Variants in SHANK2 observed in about 807,000 individuals in gnomAD.
SHANK2 encodes the protein SH3 and multiple ankyrin repeat domains protein 2.
A neutral mutation model predicts 133.7 loss-of-function variants in SHANK2; 43 were observed. The observed-to-expected ratio is 0.32, with a 90% CI of 0.25 to 0.41. SHANK2 has a LOEUF of 0.41. SHANK2 is among the 10% of genes least tolerant of loss of function. The probability of loss-of-function intolerance (pLI) is 1.00; values close to 1 mark genes in which losing one functional copy is unlikely to be tolerated. For missense variants in SHANK2, 1,994 were observed against 2,235.8 expected, an observed-to-expected ratio of 0.89 and a Z score of 2.18; for synonymous variants, 1,017 against 952.8, an observed-to-expected ratio of 1.07 and a Z score of -1.24.
At chr11:70,528,553 C>T (rs1343354216) in intron 17 of SHANK2, among the ~76,000 whole-genome samples, 2 of 152,090 alleles carry the variant, frequency 1.3e-5, no homozygotes, top group African/African-American at 2.4e-5. Context: ...GGTCAGCCAG[C>T]GTGGGGGCAG....
intron 10 of SHANK2, among the ~76,000 whole-genome samples, chr11:70,951,570 ATTCAT>A (rs1950843675): frequency 2.2e-5 from 1 of 44,672 alleles, no homozygotes; most frequent in Non-Finnish European, 5.9e-5. Context: ...GACGTCATAA[ATTCAT>A]TTCCTCTGGC....
rs571018968 is a variant in SHANK2, at chr11:70,657,612, C to T, written c.2061+2216G>A. 1.2e-3 allele frequency among the ~76,000 whole-genome samples: 180 copies of T among 152,228 alleles called. 2 individuals are homozygous for T. The highest frequency in any genetic ancestry group is 1.9e-3 in the Non-Finnish European group (129 of 68,020). On this transcript the variant is annotated intron_variant, in intron 17 of 25. Transcript: ENST00000601538. ...GTGTATGACTGGTGTGGAGCAGCCTCGTAGGGCTGTGGAGGGCCCAGTGCT... is the reference window on the plus strand; with the variant it reads ...GTGTATGACTGGTGTGGAGCAGCCTTGTAGGGCTGTGGAGGGCCCAGTGCT...
intron 3 of SHANK2, among the ~76,000 whole-genome samples, chr11:71,133,941 T>TG (rs1253721241): frequency 2.6e-5 from 4 of 151,356 alleles, no homozygotes; most frequent in Non-Finnish European, 5.9e-5. Context: ...TTTTTTTTTT[T>TG]TAGGGAAGGG....
chr11:70,887,594 G>C (rs1565384870), intron 11 of SHANK2, among the ~76,000 whole-genome samples: 1 of 152,074 alleles, frequency 6.6e-6, no homozygotes, highest in African/African-American at 2.4e-5. Flanking sequence ...AGCATCGTAA[G>C]GGCACTGATT....
intron 17 of SHANK2, among the ~76,000 whole-genome samples, chr11:70,514,406 G>T (rs2135895458): frequency 6.6e-6 from 1 of 152,340 alleles, no homozygotes; most frequent in Non-Finnish European, 1.5e-5. Context: ...AGCGGGACTG[G>T]ATCTATGGAT....
At chr11:70,539,560 C>T (rs1239988883) in intron 17 of SHANK2, among the ~76,000 whole-genome samples, 1 of 152,196 alleles carries the variant, frequency 6.6e-6, no homozygotes, top group African/African-American at 2.4e-5. Flanking sequence ...CCATACTCAC[C>T]ACGCTCACTC....
At chr11:71,116,394 T>C (rs17431746) in intron 4 of SHANK2, among the ~76,000 whole-genome samples, 29,562 of 152,264 alleles carry the variant, frequency 0.19, 3,151 homozygotes, top group South Asian at 0.31. Context: ...CAGGAAACAA[T>C]GCCTGTAAAC....
At chr11:70,808,916 G>A (rs1049830644) in intron 12 of SHANK2, among the ~76,000 whole-genome samples, 3 of 152,096 alleles carry the variant, frequency 2.0e-5, no homozygotes, top group East Asian at 1.9e-4. Flanking sequence ...AGTTCCCAGC[G>A]GCCCCAGCGA....
chr11:70,652,733 C>A (rs1287283424), intron 17 of SHANK2, among the ~76,000 whole-genome samples: 5 of 152,108 alleles, frequency 3.3e-5, no homozygotes, highest in African/African-American at 1.2e-4. Flanking sequence ...ATCTTTTGAA[C>A]CCAGGAGCTC....
chr11:70,622,539 G>C (rs1282647911), intron 17 of SHANK2, among the ~76,000 whole-genome samples: 2 of 152,164 alleles, frequency 1.3e-5, no homozygotes, highest in African/African-American at 4.8e-5. Context: ...CTTCTGGGAG[G>C]GGCCATCCGT....
In SHANK2 at chr11:71,192,678, C is replaced by A. The variant is rs188449748; in HGVS notation, c.-13+32019G>T. ...TTCCCAGGAAAATGACCTAATCAAT[C>A]CAATTTCATACTCTCTGTCTTCAGT... On this transcript the variant is annotated intron_variant, in intron 2 of 25. Transcript: ENST00000601538. Among the ~76,000 whole-genome samples the A allele has an allele frequency of 9.4e-4, 143 of 152,316 alleles. 2 individuals carry two copies. Among genetic ancestry groups the A allele is most frequent in the African/African-American group, 3.2e-3 (135 of 41,578 alleles).
At chr11:70,949,807 A>G (rs1555086142) in intron 10 of SHANK2, among the ~76,000 whole-genome samples, 1 of 152,206 alleles carries the variant, frequency 6.6e-6, no homozygotes, top group Admixed American at 6.5e-5. Context: ...GCTGATGCTG[A>G]TGACAGTATC....
chr11:70,471,517 C>G lies in SHANK2; in HGVS notation c.*1352G>C. 1 of 397,858 alleles carries G rather than the reference C, an allele frequency of 2.5e-6. No homozygotes were observed. The highest frequency in any genetic ancestry group is 4.4e-6 in the Non-Finnish European group (1 of 225,890). The allele number at this position is 397,858 out of a possible 1,614,324, so 24.6% of individuals were successfully genotyped here. A position where few individuals can be genotyped will look rare whatever the true frequency, so the allele number is the denominator to read the frequency against. ...AAGAAAGCCTTGCCAGAGAGGCTGA[C>G]CTGGCAGCCCAGGAGACCTCCCTGC... On this transcript the variant is annotated 3_prime_UTR_variant, in exon 26 of 26. Coordinates refer to ENST00000601538, the MANE Select transcript of SHANK2 (RefSeq NM_012309.5). This position sits in a 1 kb window ranked among gnomAD's most constrained non-coding sequence, Gnocchi z 4.1.
intron 17 of SHANK2, among the ~76,000 whole-genome samples, chr11:70,554,611 C>A (rs1246422896): frequency 2.0e-5 from 3 of 152,066 alleles, no homozygotes; most frequent in African/African-American, 7.2e-5. Context: ...TTATTTGTTG[C>A]AATTAATGAA....
Position 70,924,624 on chromosome 11 carries a change from T to G in SHANK2, c.1108-28057A>C, listed in dbSNP as rs150771493. 9.4e-3 allele frequency among the ~76,000 whole-genome samples: 1,425 copies of G among 152,120 alleles called. 27 individuals carry two copies. The highest frequency in any genetic ancestry group is 0.033 in the African/African-American group (1,360 of 41,480). On this transcript the variant is annotated intron_variant, in intron 10 of 25. Coordinates refer to ENST00000601538, the MANE Select transcript of SHANK2 (RefSeq NM_012309.5). ...GGCACCCGTGACCATGCCCGGCTAA[T>G]TTTTGTATTTTTAGTAGAGACAGCG...
chr11:70,502,938 G>T lies in SHANK2; in HGVS notation c.2062-7C>A, dbSNP rs781886718. 18 of 1,614,032 alleles carry T rather than the reference G, an allele frequency of 1.1e-5. No homozygotes were observed. Among genetic ancestry groups the T allele is most frequent in the Non-Finnish European group, 1.4e-5 (17 of 1,180,022 alleles). On this transcript the variant is annotated splice_polypyrimidine_tract_variant and splice_region_variant and intron_variant, in intron 17 of 25. Coordinates refer to ENST00000601538, the MANE Select transcript of SHANK2 (RefSeq NM_012309.5). ...CAACATTCTCATTGTTAACCTGTGG[G>T]AAGGCGGAGAGGATGGCATCAGTGA...
In SHANK2 at chr11:70,704,109, T is replaced by A. The variant is rs1189540435; in HGVS notation, c.1778-5346A>T. Among the ~76,000 whole-genome samples the A allele has an allele frequency of 2.6e-5, 4 of 152,230 alleles. No homozygotes were observed. The South Asian group carries it at 6.2e-4, about 24-fold the overall frequency. On this transcript the variant is annotated intron_variant, in intron 14 of 25. Coordinates refer to ENST00000601538, the MANE Select transcript of SHANK2 (RefSeq NM_012309.5). The stretch of plus-strand genomic sequence containing the variant: ...CTGAGGGGGATACCCATGTGCAGGA[T>A]GGCACAGGGCTCGGGAGGAAGAAGG...
At chr11:70,744,180 C>T (rs556332786) in intron 14 of SHANK2, among the ~76,000 whole-genome samples, 2 of 152,366 alleles carry the variant, frequency 1.3e-5, no homozygotes, top group African/African-American at 4.8e-5. Flanking sequence ...CATTCACGCA[C>T]CTGGCAAGTC....
chr11:70,696,070 G>C (rs1945385351), intron 15 of SHANK2, among the ~76,000 whole-genome samples: 1 of 152,204 alleles, frequency 6.6e-6, no homozygotes, highest in Non-Finnish European at 1.5e-5. Context: ...CACCAAAACA[G>C]GGATGCAGAG....
Sources: allele counts gnomAD v4.1 joint callset (sites outside exome capture counted in the v4.1 genomes callset), GRCh38; gene constraint gnomAD v4.1.1; non-coding constraint Gnocchi (gnomAD v3.1); transcripts MANE v1.5; gene names NCBI Gene and HGNC (gene_info 2026-07-23, HGNC 2026-07-21).